Variants in METTL16 observed in about 807,000 individuals in gnomAD.
The protein encoded by METTL16 is RNA N(6)-adenosine-methyltransferase METTL16.
Under a neutral mutation model 57.9 loss-of-function variants are expected in METTL16, and 19 were observed. The observed-to-expected ratio is 0.33, with a 90% CI of 0.23 to 0.48. METTL16 has a LOEUF of 0.48. Ranked by LOEUF, METTL16 falls within the 20% of genes least tolerant of loss-of-function variation. The probability of loss-of-function intolerance (pLI) is 0.99; values close to 1 mark genes in which losing one functional copy is unlikely to be tolerated. For missense variants in METTL16, 434 were observed against 691.5 expected (o/e 0.63, Z 4.18); for synonymous variants, 246 against 255.6 (o/e 0.96, Z 0.36).
chr17:2,457,015 G>GT, intron 6 of METTL16, among the ~76,000 whole-genome samples: 1 of 149,482 alleles, frequency 6.7e-6, no homozygotes, highest in Non-Finnish European at 1.5e-5. Context: ...TGGTTATATT[G>GT]TTTAAGAGAT....
intron 2 of METTL16, among the ~76,000 whole-genome samples, chr17:2,500,139 T>C (rs2067476792): frequency 6.6e-6 from 1 of 152,234 alleles, no homozygotes; most frequent in Non-Finnish European, 1.5e-5. Flanking sequence ...AACTCCTGTA[T>C]GATTTTAAGG....
chr17:2,505,541 G>A (rs976850654), intron 1 of METTL16, among the ~76,000 whole-genome samples: 3 of 150,230 alleles, frequency 2.0e-5, no homozygotes, highest in East Asian at 2.0e-4. Context: ...AAGCCACCAC[G>A]CCCGGCCAGA....
At chr17:2,452,912 G>C (rs1476779667) in intron 6 of METTL16, among the ~76,000 whole-genome samples, 1 of 151,974 alleles carries the variant, frequency 6.6e-6, no homozygotes, top group Non-Finnish European at 1.5e-5. Context: ...CCAGGCTGGA[G>C]TGCAGTGGTG....
At chr17:2,464,439 G>T in intron 5 of METTL16, 89 bp from the exon 6 acceptor site, 1 of 1,291,084 alleles carries the variant, frequency 7.7e-7, no homozygotes. Context: ...AGAATGTTTA[G>T]TTGCAATTTT....
chr17:2,506,121 T>G lies in METTL16; in HGVS notation c.1-3790A>C, dbSNP rs1356299099. On this transcript the variant is annotated intron_variant, in intron 1 of 9. Transcript: ENST00000263092. ...CAGGTTATTCTTTTTATCTGTAACG[T>G]TTTTTCCTCCCTCTCTTCAGTCGGC... Among the ~76,000 whole-genome samples, 3 of 151,940 alleles carry G rather than the reference T, an allele frequency of 2.0e-5. No individual in the cohort carries two copies. In the East Asian group the frequency reaches 5.8e-4, roughly 29 times the overall value.
chr17:2,446,240 T>C (rs533648763), intron 6 of METTL16, among the ~76,000 whole-genome samples: 100 of 152,302 alleles, frequency 6.6e-4, no homozygotes, highest in Middle Eastern at 6.8e-3. Flanking sequence ...TTGGGAATGA[T>C]GCAAGATGGC....
chr17:2,467,961 G>A (rs2151565493), intron 4 of METTL16, 85 bp from the exon 5 acceptor site: 1 of 888,070 alleles, frequency 1.1e-6, no homozygotes, highest in African/African-American at 1.7e-5. Context: ...TGATTCTTTG[G>A]TCAACTGCAT....
intron 2 of METTL16, among the ~76,000 whole-genome samples, chr17:2,481,928 T>G (rs2151571184): frequency 6.6e-6 from 1 of 152,174 alleles, no homozygotes; most frequent in East Asian, 1.9e-4. Context: ...AGGGACGCAG[T>G]AGGGTACATG....
intron 4 of METTL16, among the ~76,000 whole-genome samples, chr17:2,470,681 C>T (rs755788772): frequency 4.6e-5 from 7 of 152,078 alleles, no homozygotes; most frequent in African/African-American, 7.2e-5. Context: ...CGTGGTGGCA[C>T]GCACTGGCAG....
intron 2 of METTL16, among the ~76,000 whole-genome samples, chr17:2,494,421 C>T (rs1346573923): frequency 3.3e-5 from 5 of 152,168 alleles, no homozygotes; most frequent in Non-Finnish European, 7.3e-5. Flanking sequence ...TTGTGGCAAT[C>T]TTACATCTAG....
chr17:2,506,442 C>G (rs914373668), intron 1 of METTL16, among the ~76,000 whole-genome samples: 1 of 151,934 alleles, frequency 6.6e-6, no homozygotes, highest in African/African-American at 2.4e-5. Context: ...CACGCCGCCA[C>G]GCCTGACTGG....
intron 3 of METTL16, 61 bp from the exon 4 acceptor site, chr17:2,473,725 T>C (rs2067250841): frequency 2.0e-6 from 3 of 1,518,036 alleles, no homozygotes; most frequent in South Asian, 1.2e-5. Context: ...ACAATAATCA[T>C]GAAAACACCA....
chr17:2,477,779 C>T lies in METTL16; in HGVS notation c.235G>A (p.Val79Ile). ...DIPLERLIPT[V>I]PLRLNYIHWV... ...TGAATATAGTTGAGTCTCAAGGGAA[C>T]TGTGGGAATTAGTCTCTCCAATGGA... Residue 79 changes from valine (V) to isoleucine (I), a missense_variant, in exon 3 of 10, where the codon GTT becomes ATT. Val to Ile is a conservative substitution (Grantham distance 29). Transcript: ENST00000263092. 3.1e-6 allele frequency: 5 copies of T among 1,613,830 alleles called. No individual in the cohort carries two copies. Among genetic ancestry groups the T allele is most frequent in the Non-Finnish European group, 4.2e-6 (5 of 1,179,710 alleles).
intron 1 of METTL16, among the ~76,000 whole-genome samples, chr17:2,504,267 G>C (rs1245443081): frequency 6.6e-6 from 1 of 152,174 alleles, no homozygotes; most frequent in Non-Finnish European, 1.5e-5. Context: ...TTTCACTTTG[G>C]AATGATGACA....
intron 6 of METTL16, among the ~76,000 whole-genome samples, chr17:2,462,348 C>G (rs1471393154): frequency 1.3e-5 from 2 of 152,140 alleles, no homozygotes; most frequent in African/African-American, 4.8e-5. Context: ...AGGGATTTAA[C>G]GAGTACAGAG....
At chr17:2,493,944 T>C (rs951590775) in intron 2 of METTL16, among the ~76,000 whole-genome samples, 2 of 152,110 alleles carry the variant, frequency 1.3e-5, no homozygotes, top group African/African-American at 4.8e-5. Flanking sequence ...AACAAGGAAG[T>C]TCTCCTCAAG....
At chr17:2,445,795 A>T (rs970800692) in intron 6 of METTL16, among the ~76,000 whole-genome samples, 16 of 151,970 alleles carry the variant, frequency 1.1e-4, no homozygotes, top group South Asian at 8.3e-4. Flanking sequence ...TAAAAAAAAA[A>T]AATTAATTAA....
At chr17:2,421,138 G>A (rs1230353662) in intron 8 of METTL16, among the ~76,000 whole-genome samples, 2 of 152,166 alleles carry the variant, frequency 1.3e-5, no homozygotes, top group Non-Finnish European at 2.9e-5. Context: ...AGCATCACTT[G>A]AGCCCAGGAG....
At chr17:2,500,690 T>G (rs2151579606) in intron 2 of METTL16, among the ~76,000 whole-genome samples, 1 of 152,366 alleles carries the variant, frequency 6.6e-6, no homozygotes, top group African/African-American at 2.4e-5. Context: ...CAATTCCCTC[T>G]GTAACTCGCA....
Sources: allele counts gnomAD v4.1 joint callset (sites outside exome capture counted in the v4.1 genomes callset), GRCh38; gene constraint gnomAD v4.1.1; transcripts MANE v1.5; gene names NCBI Gene and HGNC (gene_info 2026-07-23, HGNC 2026-07-21).